The following SEC24D variants were observed in gnomAD, a reference collection of about 807,000 sequenced individuals.
SEC24D encodes the protein SEC24 homolog D, COPII component, also known as protein transport protein Sec24D.
SEC24D carries 69 observed loss-of-function variants against 116.9 expected under a neutral mutation model. That is an observed-to-expected ratio of 0.59 (90% CI 0.49 to 0.72). The LOEUF (loss-of-function observed/expected upper bound fraction) is 0.72. SEC24D is among the 30% of genes least tolerant of loss of function. The pLI is 0.00. For missense variants in SEC24D, 1,131 were observed against 1,264.1 expected, an observed-to-expected ratio of 0.89 and a Z score of 1.60; for synonymous variants, 405 against 442.8, an observed-to-expected ratio of 0.91 and a Z score of 1.07.
chr4:118,724,166 A>G (rs1560592957), intron 22 of SEC24D, among the ~76,000 whole-genome samples: 1 of 152,130 alleles, frequency 6.6e-6, no homozygotes, highest in Non-Finnish European at 1.5e-5. Flanking sequence ...GAGATGAGGG[A>G]CACTAGATAG....
At position 118,744,050 on chromosome 4, in the gene SEC24D, C is replaced by T. The variant is rs1726367851; in HGVS notation, c.1933G>A (p.Ala645Thr). Residue 645 changes from alanine to threonine, a missense_variant, in exon 15 of 23, where the codon GCC (alanine) becomes ACC (threonine). Transcript: ENST00000280551. Reference sequence around the variant, plus strand: ...AGCTGAGGAACCAGCCCCAGCGAGGCCACGTCCACATACTGACTAGGAAAG... The same window carrying T: ...AGCTGAGGAACCAGCCCCAGCGAGGTCACGTCCACATACTGACTAGGAAAG... The part of the protein sequence containing the change: ...FLFPSQYVDV[A>T]SLGLVPQLTG... The T allele has an allele frequency of 1.2e-5, 19 of 1,613,526 alleles. No homozygotes were observed. Among genetic ancestry groups the T allele is most frequent in the Non-Finnish European group, 1.6e-5 (19 of 1,179,626 alleles).
intron 7 of SEC24D, among the ~76,000 whole-genome samples, chr4:118,805,244 T>C (rs971487268): frequency 6.6e-6 from 1 of 152,202 alleles, no homozygotes; most frequent in African/African-American, 2.4e-5. Flanking sequence ...GTTATGCTTC[T>C]AGGATTGAGT....
chr4:118,767,590 T>C (rs998189713), intron 9 of SEC24D, among the ~76,000 whole-genome samples: 4 of 152,246 alleles, frequency 2.6e-5, no homozygotes, highest in Non-Finnish European at 5.9e-5. Context: ...GAAAACACTT[T>C]CAGCAACTTA....
intron 4 of SEC24D, among the ~76,000 whole-genome samples, chr4:118,816,383 A>G (rs1730149051): frequency 6.6e-6 from 1 of 152,210 alleles, no homozygotes; most frequent in African/African-American, 2.4e-5. Flanking sequence ...AAATTCTATT[A>G]CATAACAAGC....
chr4:118,789,838 C>T (rs567557349), intron 8 of SEC24D, among the ~76,000 whole-genome samples: 27 of 152,308 alleles, frequency 1.8e-4, no homozygotes, highest in Admixed American at 2.6e-4. Flanking sequence ...CCCACCTTGG[C>T]CTCCCAAAGT....
rs957922148 is a variant in SEC24D at position 118,823,062 on chromosome 4, A to C, written c.248+1558T>G. On this transcript the variant is annotated intron_variant, in intron 3 of 22. Transcript: ENST00000280551. ...GTGAAAATGAGGACAGGCATGGTCA[A>C]GGAACTTCACCAGTGTCCACAGTTA... Among the ~76,000 whole-genome samples the C allele has an allele frequency of 2.6e-5, 4 of 152,322 alleles. No individual in the cohort carries two copies. The East Asian group carries it at 7.7e-4, about 29-fold the overall frequency.
intron 10 of SEC24D, chr4:118,760,374 T>C (rs1285061376): frequency 6.6e-6 from 1 of 152,208 alleles, no homozygotes; most frequent in Non-Finnish European, 1.5e-5. Context: ...CTCTATGAAT[T>C]TGACTATTCT....
At chr4:118,725,953 C>T (rs114990077) in intron 22 of SEC24D, among the ~76,000 whole-genome samples, 236 of 152,202 alleles carry the variant, frequency 1.6e-3, no homozygotes, top group African/African-American at 5.2e-3. Flanking sequence ...TTTATTTCCC[C>T]GCTTTACATT....
chr4:118,831,362 C>T (rs1299107879), intron 2 of SEC24D, among the ~76,000 whole-genome samples: 2 of 151,878 alleles, frequency 1.3e-5, no homozygotes, highest in South Asian at 4.2e-4. Flanking sequence ...AATAAAGTTT[C>T]TGGTATGGAT....
At chr4:118,808,243 G>T (rs894944790) in intron 6 of SEC24D, among the ~76,000 whole-genome samples, 18 of 152,174 alleles carry the variant, frequency 1.2e-4, no homozygotes, top group Non-Finnish European at 2.6e-4. Flanking sequence ...TTACAGGCAT[G>T]AACCACTGCA....
rs199592598 is a variant in SEC24D, at chr4:118,833,717, G to A, written c.-21C>T. 61 of 1,535,190 alleles carry A rather than the reference G, an allele frequency of 4.0e-5. No individual in the cohort carries two copies. Among genetic ancestry groups the A allele is most frequent in the Non-Finnish European group, 5.3e-5 (59 of 1,115,750 alleles). On this transcript the variant is annotated 5_prime_UTR_variant, in exon 2 of 23. Coordinates refer to ENST00000280551, the MANE Select transcript of SEC24D (RefSeq NM_014822.4). ...CTCATTATGAAAATATCATTCCATAGGATAATTCTACAAAAGAAGTCTGCA... is the reference window on the plus strand; with the variant it reads ...CTCATTATGAAAATATCATTCCATAAGATAATTCTACAAAAGAAGTCTGCA...
intron 6 of SEC24D, among the ~76,000 whole-genome samples, chr4:118,810,074 C>CTCTGTGTGTGTGTGTGTGTGTG (rs776835322): frequency 2.6e-5 from 1 of 38,594 alleles, no homozygotes; most frequent in Non-Finnish European, 4.9e-5. Context: ...TCAGAGGTAG[C>CTCTGTGTGTGTGTGTGTGTGTG]TGTGTGTGTG....
intron 6 of SEC24D, among the ~76,000 whole-genome samples, chr4:118,808,792 A>G (rs1455765919): frequency 6.6e-6 from 1 of 152,210 alleles, no homozygotes; most frequent in Non-Finnish European, 1.5e-5. Context: ...ATCTGCTATG[A>G]GTGGAACATT....
chr4:118,731,199 T>C lies in SEC24D; in HGVS notation c.2868+117A>G, dbSNP rs11722833. The C allele has an allele frequency of 0.3, 240,435 of 799,416 alleles. 39,099 individuals carry two copies. Among genetic ancestry groups the C allele is most frequent in the Admixed American group, 0.46 (19,764 of 42,504 alleles). The allele number at this position is 799,416 out of a possible 1,614,324, so 49.5% of individuals were successfully genotyped here. A position where few individuals can be genotyped will look rare whatever the true frequency, so the allele number is the denominator to read the frequency against. On this transcript the variant is annotated intron_variant, in intron 21 of 22. Coordinates refer to ENST00000280551, the MANE Select transcript of SEC24D (RefSeq NM_014822.4). ...AAAACATGAAATTATTTCTTTCATA[T>C]ACAGAAATATATGCCTTATTATTTT... is the stretch of plus-strand genomic sequence containing the variant.
At chr4:118,744,574 T>C (rs910896157) in intron 14 of SEC24D, among the ~76,000 whole-genome samples, 1 of 152,188 alleles carries the variant, frequency 6.6e-6, no homozygotes, top group African/African-American at 2.4e-5. Flanking sequence ...TGAAGGCATA[T>C]TTTGAGAACC....
At chr4:118,765,360 C>T (rs1409535410) in intron 9 of SEC24D, among the ~76,000 whole-genome samples, 2 of 152,136 alleles carry the variant, frequency 1.3e-5, no homozygotes, top group Non-Finnish European at 2.9e-5. Flanking sequence ...ATGTCTTCAC[C>T]CATGTGGAGT....
At chr4:118,727,023 G>C (rs947972408) in intron 22 of SEC24D, among the ~76,000 whole-genome samples, 1 of 152,120 alleles carries the variant, frequency 6.6e-6, no homozygotes, top group Non-Finnish European at 1.5e-5. Context: ...AAGTGCACTG[G>C]GACTAAGCAG....
intron 8 of SEC24D, among the ~76,000 whole-genome samples, chr4:118,780,581 A>G (rs11736575): frequency 0.27 from 40,392 of 152,016 alleles, 6,468 homozygotes; most frequent in East Asian, 0.45. Context: ...TATTCTGTTG[A>G]TTTGGGGTGG....
At chr4:118,766,493 G>A (rs1333919858) in intron 9 of SEC24D, 1 of 152,188 alleles carries the variant, frequency 6.6e-6, no homozygotes, top group Non-Finnish European at 1.5e-5. Context: ...TAATTCTATT[G>A]GAAAATAAAC....
Sources: gnomAD v4.1 joint callset for allele counts (sites outside exome capture counted in the v4.1 genomes callset) on GRCh38, gnomAD v4.1.1 for gene constraint, MANE v1.5 for transcripts, NCBI Gene and HGNC (gene_info 2026-07-23, HGNC 2026-07-21) for gene names.